Variants in CRHBP observed in about 807,000 individuals in gnomAD.
CRHBP encodes corticotropin releasing hormone binding protein, also known as corticotropin-releasing hormone-binding protein.
In CRHBP, 19 loss-of-function variants were observed where a neutral mutation model predicts 34.9. That is an observed-to-expected ratio of 0.55 (90% confidence interval 0.38 to 0.80). The LOEUF (loss-of-function observed/expected upper bound fraction) is 0.80. Among genes scored for constraint, CRHBP ranks in the 30% least tolerant of loss-of-function variants. CRHBP has a pLI of 0.00. For missense variants in CRHBP, 328 were observed against 409.2 expected, an observed-to-expected ratio of 0.80 and a Z score of 1.71; for synonymous variants, 154 against 153.4, an observed-to-expected ratio of 1.00 and a Z score of -0.03.
intron 5 of CRHBP, among the ~76,000 whole-genome samples, chr5:76,961,767 T>C (rs374453252): frequency 1.4e-3 from 210 of 152,260 alleles, no homozygotes; most frequent in African/African-American, 4.9e-3. Flanking sequence ...TGTTTTGTTT[T>C]TTCGGAGACA....
At position 76,953,185 on chromosome 5, in the gene CRHBP, G is replaced by A. The variant is rs773539581; in HGVS notation, c.51G>A (p.Thr17=). ...GTCACTTCATTCTCATCTTCCTGAC[G>A]GCTCTAAGAGGGGAAAGCCGGTACC... The part of the protein sequence containing the change: ...LQCHFILIFL[T]ALRGESRYLE... The change falls in exon 1 of 7, where the codon ACG becomes ACA. Residue 17 remains threonine (T), a synonymous_variant. Transcript: ENST00000274368. 4.3e-6 allele frequency: 7 copies of A among 1,614,052 alleles called. No homozygotes were observed. In the East Asian group the frequency reaches 1.6e-4, roughly 36 times the overall value.
intron 6 of CRHBP, among the ~76,000 whole-genome samples, chr5:76,966,190 G>T (rs1745858406): frequency 6.6e-6 from 1 of 152,124 alleles, no homozygotes; most frequent in Non-Finnish European, 1.5e-5. Flanking sequence ...GGCTAATTTT[G>T]TATTTTTAGT....
At chr5:76,974,905 A>C (rs1278395878) in intron 2 of CRHBP, among the ~76,000 whole-genome samples, 1 of 152,220 alleles carries the variant, frequency 6.6e-6, no homozygotes, top group East Asian at 1.9e-4. Context: ...AGAGGTCTCT[A>C]AATTGGATTC....
chr5:76,963,618 C>G (rs1324644199), intron 6 of CRHBP, among the ~76,000 whole-genome samples, 158 bp downstream of exon 6: 2 of 152,158 alleles, frequency 1.3e-5, no homozygotes, highest in Non-Finnish European at 2.9e-5. Context: ...TATATAACAT[C>G]AGTATCTTTA....
intron 1 of CRHBP, 107 bp downstream of exon 1, chr5:76,953,322 T>A (rs1745601521): frequency 6.6e-6 from 7 of 1,056,190 alleles, no homozygotes; most frequent in Non-Finnish European, 1.0e-5. Flanking sequence ...GTTTCTTCCC[T>A]CTCTGCTGGA....
chr5:76,980,383 A>G (rs1746102604), intron 3 of CRHBP, among the ~76,000 whole-genome samples: 2 of 152,192 alleles, frequency 1.3e-5, no homozygotes, highest in Admixed American at 1.3e-4. Context: ...TAGAGTGTGA[A>G]GCACCGCTCT....
chr5:76,964,967 A>G (rs924141080), intron 6 of CRHBP, among the ~76,000 whole-genome samples: 3 of 152,044 alleles, frequency 2.0e-5, no homozygotes, highest in Non-Finnish European at 4.4e-5. Context: ...CCTGGGCAAC[A>G]TGGCAAGACC....
chr5:76,976,220 C>T (rs1746033319), intron 2 of CRHBP: 1 of 152,010 alleles, frequency 6.6e-6, no homozygotes, highest in Admixed American at 6.6e-5. Context: ...AGCAAACAGA[C>T]CCAGGTAAAT....
rs980309230 is a variant in CRHBP at position 76,953,969 on chromosome 5, G to A, written c.176-60G>A. On this transcript the variant is annotated intron_variant, in intron 2 of 6. Coordinates refer to ENST00000274368, the MANE Select transcript of CRHBP (RefSeq NM_001882.4). ...TGGGGCGCGCGGAGAGCGGCCGCCC[G>A]AGGACGGCGCTGCGGCGGCTGCAGC... 3.3e-5 allele frequency: 51 copies of A among 1,543,626 alleles called. No homozygotes were observed. The Admixed American group carries it at 6.6e-4, about 20-fold the overall frequency.
chr5:76,978,363 G>A (rs374762903), intron 3 of CRHBP, among the ~76,000 whole-genome samples: 3 of 152,188 alleles, frequency 2.0e-5, no homozygotes, highest in South Asian at 2.1e-4. Context: ...AATGCAGCTG[G>A]TAACTTTAAG....
intron 6 of CRHBP, among the ~76,000 whole-genome samples, chr5:76,963,706 G>A (rs1244664119): frequency 6.6e-6 from 1 of 152,042 alleles, no homozygotes; most frequent in Non-Finnish European, 1.5e-5. Flanking sequence ...AAAAGACAAA[G>A]CTTTTAAAAT....
At chr5:76,954,323 A>G in intron 3 of CRHBP, 137 bp downstream of exon 3, 1 of 1,088,938 alleles carries the variant, frequency 9.2e-7, no homozygotes, top group Non-Finnish European at 1.3e-6. Context: ...CTGGTGCCCG[A>G]GTCGGAGAGG....
chr5:76,964,304 T>A (rs1745826006), intron 6 of CRHBP, among the ~76,000 whole-genome samples: 1 of 151,904 alleles, frequency 6.6e-6, no homozygotes, highest in Admixed American at 6.6e-5. Context: ...CAGTCTCTAA[T>A]CTCAGTTAAT....
chr5:76,958,654 A>C (rs1397784931), intron 4 of CRHBP, 87 bp from the exon 5 acceptor site: 2 of 1,426,434 alleles, frequency 1.4e-6, no homozygotes, highest in African/African-American at 1.4e-5. Flanking sequence ...CATGAACAGG[A>C]GCCCTAGAAT....
At chr5:76,955,541 T>A in intron 3 of CRHBP, 112 bp from the exon 4 acceptor site, 1 of 870,576 alleles carries the variant, frequency 1.1e-6, no homozygotes, top group East Asian at 2.6e-5. Context: ...CTGTCGATTC[T>A]CACTTATGAC....
In CRHBP at chr5:76,955,581, C is replaced by A. The variant is rs1020304910; in HGVS notation, c.334-72C>A. On this transcript the variant is annotated intron_variant, in intron 3 of 6. Transcript: ENST00000274368. ...GGCCCATTGCTGGATGACTTTCCCC[C>A]CCTTTTCAACTCATTTCAGACTTCA... 13 of 1,413,164 alleles carry A rather than the reference C, an allele frequency of 9.2e-6. No individual in the cohort carries two copies. In the South Asian group the frequency reaches 1.0e-4, roughly 11 times the overall value. 87.5% of individuals were successfully genotyped at this position (1,413,164 alleles called of 1,614,324 possible).
intron 4 of CRHBP, among the ~76,000 whole-genome samples, chr5:76,958,267 A>T (rs980136143): frequency 3.9e-5 from 6 of 152,148 alleles, no homozygotes; most frequent in African/African-American, 9.7e-5. Context: ...AAGTTTTTTT[A>T]AAAAAGAAAA....
At chr5:76,956,607 C>T (rs939220656) in intron 4 of CRHBP, among the ~76,000 whole-genome samples, 6 of 151,962 alleles carry the variant, frequency 3.9e-5, no homozygotes, top group East Asian at 1.9e-4. Context: ...TGGTGGTGGG[C>T]GCCTGTAGTC....
chr5:76,975,830 A>ATC (rs1746020515), intron 2 of CRHBP, among the ~76,000 whole-genome samples: 1 of 98,588 alleles, frequency 1.0e-5, no homozygotes, highest in Non-Finnish European at 1.8e-5. Context: ...AAAAAAATAT[A>ATC]TATATATATA....
Sources: allele counts gnomAD v4.1 joint callset (sites outside exome capture counted in the v4.1 genomes callset), GRCh38; gene constraint gnomAD v4.1.1; transcripts MANE v1.5; gene names NCBI Gene and HGNC (gene_info 2026-07-23, HGNC 2026-07-21).